Variants in SNX10 observed in about 807,000 individuals in gnomAD.
SNX10 encodes the protein sorting nexin 10, also known as sorting nexin-10.
A neutral mutation model predicts 28.5 loss-of-function variants in SNX10; 25 were observed. The observed-to-expected ratio is 0.88, with a 90% CI of 0.64 to 1.22. The LOEUF (loss-of-function observed/expected upper bound fraction) is 1.22, where lower values mean the gene tolerates loss of function less well. Among genes scored for constraint, SNX10 ranks in the 50% most tolerant of loss-of-function variants. The pLI, the probability that SNX10 is intolerant of heterozygous loss-of-function variation, is 0.00. For missense variants in SNX10, 223 were observed against 242.6 expected, an observed-to-expected ratio of 0.92 and a Z score of 0.54; for synonymous variants, 62 against 81.4, an observed-to-expected ratio of 0.76 and a Z score of 1.28.
chr7:26,317,520 A>G (rs1787138018), intron 1 of SNX10, among the ~76,000 whole-genome samples: 1 of 152,134 alleles, frequency 6.6e-6, no homozygotes, highest in South Asian at 2.1e-4. Flanking sequence ...TTTTCTGTTC[A>G]TTTTACTGGG....
At chr7:26,357,916 G>A (rs1183915447) in intron 2 of SNX10, among the ~76,000 whole-genome samples, 1 of 152,094 alleles carries the variant, frequency 6.6e-6, no homozygotes, top group East Asian at 1.9e-4. Context: ...TGGGAGAGGT[G>A]CCTGCACTGG....
At chr7:26,301,079 T>C (rs1786345979) in intron 1 of SNX10, among the ~76,000 whole-genome samples, 1 of 149,176 alleles carries the variant, frequency 6.7e-6, no homozygotes, top group Admixed American at 6.7e-5. Context: ...GTTTTCTGAG[T>C]ATAGCTTAAA....
chr7:26,326,017 C>T (rs182247489), intron 1 of SNX10, among the ~76,000 whole-genome samples: 33 of 152,186 alleles, frequency 2.2e-4, no homozygotes, highest in Non-Finnish European at 2.6e-4. Flanking sequence ...CATGAGCCAC[C>T]GTGCCTGGCC....
intron 2 of SNX10, among the ~76,000 whole-genome samples, chr7:26,346,997 G>A (rs922400332): frequency 2.0e-5 from 3 of 152,184 alleles, no homozygotes; most frequent in African/African-American, 7.2e-5. Flanking sequence ...GCCAGCCCCG[G>A]CTGAGTGTCC....
chr7:26,350,702 T>G (rs1055766525), intron 2 of SNX10, among the ~76,000 whole-genome samples: 10 of 139,874 alleles, frequency 7.1e-5, no homozygotes, highest in African/African-American at 2.6e-4. Flanking sequence ...CCCTCCATTT[T>G]TCTCAGTCTC....
intron 2 of SNX10, among the ~76,000 whole-genome samples, chr7:26,355,256 G>T (rs7810525): frequency 0.13 from 20,113 of 152,042 alleles, 1,603 homozygotes; most frequent in South Asian, 0.33. Flanking sequence ...TGGGAAGAAG[G>T]CTTCCTCCCA....
At chr7:26,365,620 A>G (rs1789258526) in intron 5 of SNX10, among the ~76,000 whole-genome samples, 1 of 152,204 alleles carries the variant, frequency 6.6e-6, no homozygotes, top group African/African-American at 2.4e-5. Context: ...ATAAAGGAGT[A>G]TTTGGTGGCG....
At chr7:26,295,939 A>G (rs559832064) in intron 1 of SNX10, among the ~76,000 whole-genome samples, 2 of 152,340 alleles carry the variant, frequency 1.3e-5, no homozygotes, top group South Asian at 4.1e-4. Context: ...GAATTGTCGT[A>G]TTGGAAAGTT....
intron 1 of SNX10, among the ~76,000 whole-genome samples, chr7:26,298,104 G>T (rs1265151413): frequency 7.2e-6 from 1 of 139,220 alleles, no homozygotes; most frequent in African/African-American, 2.7e-5. Flanking sequence ...GGTGGCAGGT[G>T]CCTGTAATCC....
intron 3 of SNX10, 44 bp downstream of exon 3, chr7:26,361,105 A>G: frequency 6.5e-7 from 1 of 1,539,370 alleles, no homozygotes; most frequent in African/African-American, 1.4e-5. Flanking sequence ...AGGGACTTTT[A>G]TGGGATACAT....
chr7:26,328,105 C>A (rs1562798369), intron 1 of SNX10, among the ~76,000 whole-genome samples: 2 of 152,120 alleles, frequency 1.3e-5, no homozygotes, highest in South Asian at 2.1e-4. Flanking sequence ...ATGGAATGTA[C>A]CCTTCTTCCA....
At chr7:26,345,142 T>A (rs928595453) in intron 1 of SNX10, among the ~76,000 whole-genome samples, 6 of 152,250 alleles carry the variant, frequency 3.9e-5, no homozygotes, top group African/African-American at 1.4e-4. Flanking sequence ...TTCTTAATTA[T>A]GTCTCCAAAG....
At chr7:26,358,922 C>G (rs1788953919) in intron 2 of SNX10, among the ~76,000 whole-genome samples, 1 of 148,144 alleles carries the variant, frequency 6.8e-6, no homozygotes, top group African/African-American at 2.5e-5. Context: ...TTTCCTGCCT[C>G]AGCCTCCTGA....
chr7:26,309,968 T>C (rs1446245598), intron 1 of SNX10, among the ~76,000 whole-genome samples: 4 of 152,204 alleles, frequency 2.6e-5, no homozygotes, highest in African/African-American at 9.6e-5. Context: ...TGGGACATAG[T>C]AAACAATTTT....
At chr7:26,358,806 T>TTTTTTTTTGTTTTTGTTTTTG (rs1554360960) in intron 2 of SNX10, among the ~76,000 whole-genome samples, 13 of 52,620 alleles carry the variant, frequency 2.5e-4, no homozygotes, top group East Asian at 9.9e-4. Context: ...TTATCTTGTG[T>TTTTTTTTTGTTTTTGTTTTTG]TTTTTTTTTT....
chr7:26,324,813 T>C (rs1787438797), intron 1 of SNX10, among the ~76,000 whole-genome samples: 1 of 152,320 alleles, frequency 6.6e-6, no homozygotes, highest in African/African-American at 2.4e-5. Flanking sequence ...AATATTTTAC[T>C]TCTCTGTTTT....
rs536519860 is a variant in SNX10, at chr7:26,342,343, G to A, written c.-23-4077G>A. 2.1e-4 allele frequency among the ~76,000 whole-genome samples: 32 copies of A among 152,214 alleles called. 1 individual carries two copies. The highest frequency in any genetic ancestry group is 6.8e-3 in the Middle Eastern group (2 of 294). ...CGCCTGGCCTCAGGGAGCAATTTCT[G>A]ATTGGCAGCTTTGGTTTGCTAAATT... On this transcript the variant is annotated intron_variant, in intron 1 of 6. Coordinates refer to ENST00000338523, the MANE Select transcript of SNX10 (RefSeq NM_013322.3).
chr7:26,323,111 G>C (rs748791129), intron 1 of SNX10, among the ~76,000 whole-genome samples: 2 of 151,970 alleles, frequency 1.3e-5, no homozygotes, highest in Admixed American at 6.6e-5. Context: ...TTAGCCAAGT[G>C]TGGCGGTGTG....
At chr7:26,370,001 C>T (rs1236959977) in intron 5 of SNX10, among the ~76,000 whole-genome samples, 1 of 152,212 alleles carries the variant, frequency 6.6e-6, no homozygotes, top group Non-Finnish European at 1.5e-5. Flanking sequence ...GTGCTCATTA[C>T]TGTTGTGGTG....
Sources: gnomAD v4.1 joint callset for allele counts (sites outside exome capture counted in the v4.1 genomes callset) on GRCh38, gnomAD v4.1.1 for gene constraint, MANE v1.5 for transcripts, NCBI Gene and HGNC (gene_info 2026-07-23, HGNC 2026-07-21) for gene names.